ERLIN2: variants seen among roughly 807,000 people sequenced by gnomAD.
ERLIN2 encodes erlin-2.
In ERLIN2, 22 loss-of-function variants were observed where a neutral mutation model predicts 41.5. That is an observed-to-expected ratio of 0.53 (90% CI 0.38 to 0.76). The LOEUF (loss-of-function observed/expected upper bound fraction) is 0.76. Ranked by LOEUF, ERLIN2 falls within the 30% of genes least tolerant of loss-of-function variation. ERLIN2 has a pLI of 0.00. For synonymous variants in ERLIN2, 149 were observed against 150.9 expected (o/e 0.99, Z 0.09); for missense variants, 247 against 414.3 (o/e 0.60, Z 3.51).
In ERLIN2 at chr8:37,737,564, A is replaced by G. The variant is rs531944177; in HGVS notation, c.-15-344A>G. ...AGTACTGCAGCTGCCTCTCTTCCCTACTACTGGTAGGAAAGGTTCAGTGAC... is the reference window on the plus strand; with the variant it reads ...AGTACTGCAGCTGCCTCTCTTCCCTGCTACTGGTAGGAAAGGTTCAGTGAC... On this transcript the variant is annotated intron_variant, in intron 1 of 11. Coordinates refer to ENST00000519638, the MANE Select transcript of ERLIN2 (RefSeq NM_007175.8). 25 of 332,960 alleles carry G rather than the reference A, an allele frequency of 7.5e-5. No homozygotes were observed. The East Asian group carries it at 1.7e-3, about 23-fold the overall frequency. The allele number at this position is 332,960 out of a possible 1,614,324, so 20.6% of individuals were successfully genotyped here.
At position 37,754,641 on chromosome 8, in the gene ERLIN2, G is replaced by A; in HGVS notation, c.*526G>A. The A allele has an allele frequency of 5.2e-6, 1 of 193,752 alleles. No homozygotes were observed. The highest frequency in any genetic ancestry group is 1.1e-5 in the Non-Finnish European group (1 of 92,286). The allele number at this position is 193,752 out of a possible 1,614,324, so 12.0% of individuals were successfully genotyped here. On this transcript the variant is annotated 3_prime_UTR_variant, in exon 12 of 12. Coordinates refer to ENST00000519638, the MANE Select transcript of ERLIN2 (RefSeq NM_007175.8). ...CTTCCTGGCATTCTTGTCTGCATGTGTGTGAGTTATTTTAGAGGTGTGCTT... is the reference window on the plus strand; with the variant it reads ...CTTCCTGGCATTCTTGTCTGCATGTATGTGAGTTATTTTAGAGGTGTGCTT...
chr8:37,749,691 A>G lies in ERLIN2; in HGVS notation c.498+59A>G, dbSNP rs1585914555. 3.8e-6 allele frequency: 6 copies of G among 1,561,654 alleles called. No homozygotes were observed. In the East Asian group the frequency reaches 6.7e-5, roughly 18 times the overall value. On this transcript the variant is annotated intron_variant, in intron 7 of 11. Transcript: ENST00000519638. ...CTCTGACACTGCTTCCCTTCTCCCAAGGGATGTCCTTTTTGTGCAGGAAGA... is the reference window on the plus strand; with the variant it reads ...CTCTGACACTGCTTCCCTTCTCCCAGGGGATGTCCTTTTTGTGCAGGAAGA...
chr8:37,753,798 A>G (rs955492205), intron 11 of ERLIN2, 117 bp from the exon 12 acceptor site: 7 of 909,708 alleles, frequency 7.7e-6, no homozygotes, highest in East Asian at 5.2e-5. Flanking sequence ...AAATGTAACA[A>G]TGAGACCACA....
At chr8:37,746,235 C>T (rs563346002) in intron 6 of ERLIN2, 4 of 985,666 alleles carry the variant, frequency 4.1e-6, no homozygotes, top group Non-Finnish European at 4.8e-6. Context: ...TTCCTTCTCT[C>T]AGGACTCTTA....
rs1585907947 is a variant in ERLIN2, at chr8:37,744,965, A to G, written c.424+269A>G. The stretch of plus-strand genomic sequence containing the variant: ...ACTTCTGGCCTCAATCAGAGGCTGG[A>G]GTGGAAATGTGTTCCCACTGTTCCT... On this transcript the variant is annotated intron_variant, in intron 6 of 11. Coordinates refer to ENST00000519638, the MANE Select transcript of ERLIN2 (RefSeq NM_007175.8). The G allele has an allele frequency of 4.8e-6, 3 of 618,594 alleles. No homozygotes were observed. The East Asian group carries it at 8.2e-5, about 17-fold the overall frequency. The allele number at this position is 618,594 out of a possible 1,614,324, so 38.3% of individuals were successfully genotyped here.
Position 37,751,715 on chromosome 8 carries a change from G to A in ERLIN2, c.739G>A (p.Asp247Asn). The A allele has an allele frequency of 6.2e-7, 1 of 1,613,068 alleles. No individual in the cohort carries two copies. The highest frequency in any genetic ancestry group is 8.5e-7 in the Non-Finnish European group (1 of 1,179,154). ...ETEKKISEIE[D>N]AAFLAREKAK... ...TGAGAAGAAGATTTCAGAAATTGAA[G>A]GTAAGCAGAAGTGGCAGTCATGCCT... Residue 247 changes from aspartate (D) to asparagine (N), a missense_variant and splice_region_variant, in exon 10 of 12, where the codon GAT (aspartate) becomes AAT (asparagine). This residue lies in a region of ERLIN2 where 153 missense variants were observed against 256.4 expected (regional missense o/e 0.60). Coordinates refer to ENST00000519638, the MANE Select transcript of ERLIN2 (RefSeq NM_007175.8).
chr8:37,746,130 A>G (rs1485588645), intron 6 of ERLIN2: 1 of 993,906 alleles, frequency 1.0e-6, no homozygotes, highest in Non-Finnish European at 1.2e-6. Flanking sequence ...CAGTCTTGCT[A>G]GCAAGCACTA....
intron 6 of ERLIN2, chr8:37,747,339 T>G (rs780176895): frequency 7.8e-7 from 1 of 1,274,750 alleles, no homozygotes; most frequent in South Asian, 1.2e-5. Flanking sequence ...AGCCTGGTTA[T>G]TTGAACTGGT....
intron 1 of ERLIN2, 118 bp from the exon 2 acceptor site, chr8:37,737,790 G>T (rs1199641910): frequency 8.4e-7 from 1 of 1,183,962 alleles, no homozygotes; most frequent in Non-Finnish European, 1.2e-6. Context: ...GTGTTCACAC[G>T]ACACCAGGCT....
In ERLIN2 at chr8:37,737,963, T is replaced by C; in HGVS notation, c.41T>C (p.Phe14Ser). Residue 14 changes from phenylalanine (F) to serine (S), a missense_variant, in exon 2 of 12, where the codon TTC (phenylalanine) becomes TCC (serine). Physicochemically the swap from Phe to Ser is radical, Grantham distance 155. This residue lies in a region of ERLIN2 where 93 missense variants were observed against 139.0 expected (regional missense o/e 0.67). Coordinates refer to ENST00000519638, the MANE Select transcript of ERLIN2 (RefSeq NM_007175.8). ...GCAGTTGTGGCTGTGGCTTCCAGTTTCTTTTGTGCATCTCTCTTCTCAGCT... is the reference window on the plus strand; with the variant it reads ...GCAGTTGTGGCTGTGGCTTCCAGTTCCTTTTGTGCATCTCTCTTCTCAGCT... ...LGAVVAVASS[F>S]FCASLFSAVH... 1 of 1,614,204 alleles carries C rather than the reference T, an allele frequency of 6.2e-7. No homozygotes were observed. The highest frequency in any genetic ancestry group is 8.5e-7 in the Non-Finnish European group (1 of 1,180,020).
At chr8:37,745,862 T>C (rs919084359) in intron 6 of ERLIN2, 2 of 1,302,622 alleles carry the variant, frequency 1.5e-6, no homozygotes, top group South Asian at 2.1e-5. Flanking sequence ...AACCTCAAAC[T>C]AATAGAATTT....
At chr8:37,747,777 A>G in intron 6 of ERLIN2, 13 of 1,612,086 alleles carry the variant, frequency 8.1e-6, no homozygotes, top group Non-Finnish European at 1.1e-5. Context: ...GCAGATACAT[A>G]GTCTCTTCGT....
chr8:37,751,864 A>G (rs903905428), intron 10 of ERLIN2, 149 bp downstream of exon 10: 7 of 713,488 alleles, frequency 9.8e-6, no homozygotes, highest in Non-Finnish European at 1.3e-5. Flanking sequence ...TGGAGACTTG[A>G]GTTTTGAGGC....
rs1803315883 is a variant in ERLIN2 at position 37,754,746 on chromosome 8, G to A, written c.*631G>A. The stretch of plus-strand genomic sequence containing the variant: ...ACTTTGCTCCTTGCCCTAGGGCTCA[G>A]AGTGGTGGTTTCTGACTACATTTCT... On this transcript the variant is annotated 3_prime_UTR_variant, in exon 12 of 12. Transcript: ENST00000519638. 1.3e-5 allele frequency: 2 copies of A among 156,586 alleles called. No homozygotes were observed. The highest frequency in any genetic ancestry group is 2.4e-5 in the African/African-American group (1 of 41,468). 9.7% of individuals were successfully genotyped at this position (156,586 alleles called of 1,614,324 possible).
chr8:37,740,445 A>T lies in ERLIN2; in HGVS notation c.188A>T (p.Gln63Leu). ...LPFITSYKSVQTTLQTDEVKN... is the reference protein window; with the variant it reads ...LPFITSYKSVLTTLQTDEVKN... ...TTCATCACATCATATAAGTCTGTGC[A>T]GGTATGCTTGGCCTCTGTGGTATGG... Residue 63 changes from glutamine to leucine, a missense_variant and splice_region_variant, in exon 3 of 12, where the codon CAG (glutamine) becomes CTG (leucine). Physicochemically the swap from Gln to Leu is moderately radical, Grantham distance 113 (BLOSUM62 -2). Transcript: ENST00000519638. The T allele has an allele frequency of 6.2e-7, 1 of 1,611,474 alleles. No homozygotes were observed. Among genetic ancestry groups the T allele is most frequent in the Non-Finnish European group, 8.5e-7 (1 of 1,178,164 alleles).
Position 37,752,344 on chromosome 8 carries a change from C to G in ERLIN2, c.739+629C>G, listed in dbSNP as rs534739452. Among the ~76,000 whole-genome samples, 4 of 152,344 alleles carry G rather than the reference C, an allele frequency of 2.6e-5. 1 individual carries two copies. The South Asian group carries it at 8.3e-4, about 32-fold the overall frequency. ...ATTTCAAGCAAATTCCAAGGCACAA[C>G]TGGGACCTCAAGGCCCAGCTTCAGG... On this transcript the variant is annotated intron_variant, in intron 10 of 11. Coordinates refer to ENST00000519638, the MANE Select transcript of ERLIN2 (RefSeq NM_007175.8).
intron 6 of ERLIN2, among the ~76,000 whole-genome samples, chr8:37,748,560 A>G (rs1390885870): frequency 1.3e-5 from 2 of 152,186 alleles, no homozygotes; most frequent in Non-Finnish European, 2.9e-5. Context: ...GCCAGCTTTC[A>G]TGGGCCTCCG....
rs1353650136 is a variant in ERLIN2, at chr8:37,755,394, T to C, written c.*1279T>C. 2 of 152,246 alleles carry C rather than the reference T, an allele frequency of 1.3e-5. No individual in the cohort carries two copies. Among genetic ancestry groups the C allele is most frequent in the South Asian group, 2.1e-4 (1 of 4,836 alleles). 9.4% of individuals were successfully genotyped at this position (152,246 alleles called of 1,614,324 possible). A position where few individuals can be genotyped will look rare whatever the true frequency, so the allele number is the denominator to read the frequency against. The stretch of plus-strand genomic sequence containing the variant: ...AAATTTGAACAAAAGGTTTTTCTTA[T>C]ATCCTGAGATTGAGGGGTAGGGGGT... On this transcript the variant is annotated 3_prime_UTR_variant, in exon 12 of 12. Transcript: ENST00000519638.
intron 6 of ERLIN2, chr8:37,748,098 A>G (rs1484266958): frequency 4.5e-6 from 4 of 883,534 alleles, no homozygotes; most frequent in Non-Finnish European, 7.5e-6. Context: ...CCCTGCGGCT[A>G]CCTTAGTAAT....
Sources: gnomAD v4.1 joint callset for allele counts (sites outside exome capture counted in the v4.1 genomes callset) on GRCh38, gnomAD v4.1.1 for gene constraint, gnomAD v4.1.1 regional missense constraint, MANE v1.5 for transcripts, NCBI Gene and HGNC (gene_info 2026-07-23, HGNC 2026-07-21) for gene names.